Variants in ADAM12 observed in about 807,000 individuals in gnomAD.
ADAM12 encodes the protein disintegrin and metalloproteinase domain-containing protein 12.
Under a neutral mutation model 106.4 loss-of-function variants are expected in ADAM12, and 70 were observed. That is an observed-to-expected ratio of 0.66 (90% CI 0.54 to 0.80). The LOEUF is 0.80. Among genes scored for constraint, ADAM12 ranks in the 30% least tolerant of loss-of-function variants. The pLI is 0.00. For missense variants in ADAM12, 1,010 were observed against 1,171.9 expected, an observed-to-expected ratio of 0.86 and a Z score of 2.02; for synonymous variants, 420 against 433.5, an observed-to-expected ratio of 0.97 and a Z score of 0.39.
At chr10:126,293,675 C>G (rs562212974) in intron 2 of ADAM12, among the ~76,000 whole-genome samples, 4 of 152,138 alleles carry the variant, frequency 2.6e-5, no homozygotes, top group Non-Finnish European at 5.9e-5. Flanking sequence ...CATGTCACCA[C>G]GCCTGGCCAA....
intron 21 of ADAM12, among the ~76,000 whole-genome samples, chr10:126,029,349 T>C (rs1288686443): frequency 6.6e-6 from 1 of 152,116 alleles, no homozygotes; most frequent in African/African-American, 2.4e-5. Context: ...TAAGTGCCCA[T>C]CAGTGATATA....
chr10:126,043,226 T>A lies in ADAM12; in HGVS notation c.1996-78A>T. On this transcript the variant is annotated intron_variant, in intron 17 of 22. Coordinates refer to ENST00000448723, the MANE Select transcript of ADAM12 (RefSeq NM_001288973.2). This position sits in a 1 kb window ranked among gnomAD's most constrained non-coding sequence, Gnocchi z 4.1. ...ACCACAGCAGAAGCAAGGGGGGCCA[T>A]GGTCAGAGCCCCCCCCCAACACTGA... 6 of 1,349,522 alleles carry A rather than the reference T, an allele frequency of 4.4e-6. No individual in the cohort carries two copies. Among genetic ancestry groups the A allele is most frequent in the Non-Finnish European group, 6.2e-6 (6 of 967,174 alleles). The allele number at this position is 1,349,522 out of a possible 1,614,324, so 83.6% of individuals were successfully genotyped here. A position where few individuals can be genotyped will look rare whatever the true frequency, so the allele number is the denominator to read the frequency against.
At chr10:126,246,802 T>C (rs777250045) in intron 3 of ADAM12, among the ~76,000 whole-genome samples, 2 of 151,878 alleles carry the variant, frequency 1.3e-5, no homozygotes, top group Non-Finnish European at 2.9e-5. Context: ...GCTGGAAGCA[T>C]TCCCTTTGAA....
At chr10:126,240,176 G>A (rs1475388247) in intron 3 of ADAM12, among the ~76,000 whole-genome samples, 1 of 152,254 alleles carries the variant, frequency 6.6e-6, no homozygotes, top group Non-Finnish European at 1.5e-5. Flanking sequence ...CACTGTCCTT[G>A]CCTCCCACTC....
At chr10:126,189,204 G>C (rs560644766) in intron 3 of ADAM12, among the ~76,000 whole-genome samples, 1 of 152,282 alleles carries the variant, frequency 6.6e-6, no homozygotes, top group South Asian at 2.1e-4. Flanking sequence ...TGAAGGACAA[G>C]GGCTCACCAG....
At chr10:126,198,348 A>T (rs1211807555) in intron 3 of ADAM12, among the ~76,000 whole-genome samples, 1 of 152,222 alleles carries the variant, frequency 6.6e-6, no homozygotes, top group Non-Finnish European at 1.5e-5. Context: ...GTGTAAGACG[A>T]CAGAATTTAC....
chr10:126,022,788 T>C (rs537344287), intron 21 of ADAM12, among the ~76,000 whole-genome samples: 112 of 152,310 alleles, frequency 7.4e-4, no homozygotes, highest in Admixed American at 5.4e-3. Flanking sequence ...AACAAGGAAA[T>C]GAATTCAAAC....
chr10:126,283,578 GT>G (rs761890187), intron 2 of ADAM12, among the ~76,000 whole-genome samples: 47 of 152,254 alleles, frequency 3.1e-4, no homozygotes, highest in Non-Finnish European at 6.5e-4. Context: ...CTTTGCTTAT[GT>G]TTATGGAACA....
chr10:126,300,627 A>G (rs879648439), intron 2 of ADAM12, among the ~76,000 whole-genome samples: 1 of 152,218 alleles, frequency 6.6e-6, no homozygotes, highest in South Asian at 2.1e-4. Context: ...TGCTATTAAC[A>G]TAACAGCCCA....
intron 3 of ADAM12, among the ~76,000 whole-genome samples, chr10:126,209,029 C>T (rs1957850897): frequency 3.9e-5 from 6 of 152,120 alleles, no homozygotes; most frequent in Admixed American, 3.9e-4. Flanking sequence ...TTCTATTACT[C>T]ATTATTCTGC....
Position 126,121,097 on chromosome 10 carries a change from CTAT to C in ADAM12, c.417-2876_417-2874del, listed in dbSNP as rs1310967880. On this transcript the variant is annotated intron_variant, in intron 5 of 22. Transcript: ENST00000448723. Reference sequence around the variant, plus strand: ...TATTATATATTAGATGTATAATATACTATATTATATATAGTATATATATAGTAT... The same window carrying C: ...TATTATATATTAGATGTATAATATACATTATATATAGTATATATATAGTAT... Among the ~76,000 whole-genome samples the C allele has an allele frequency of 3.1e-3, 128 of 41,670 alleles. 3 individuals carry two copies. The highest frequency in any genetic ancestry group is 4.7e-3 in the Non-Finnish European group (104 of 22,172). The allele number at this position is 41,670 out of a possible 152,430, so 27.3% of individuals were successfully genotyped here.
At chr10:126,258,878 T>C (rs1251314348) in intron 3 of ADAM12, among the ~76,000 whole-genome samples, 1 of 152,180 alleles carries the variant, frequency 6.6e-6, no homozygotes, top group Non-Finnish European at 1.5e-5. Flanking sequence ...TAATCCATTA[T>C]TTGTAAGATC....
chr10:126,366,296 A>G (rs955410825), intron 1 of ADAM12, among the ~76,000 whole-genome samples: 1 of 152,128 alleles, frequency 6.6e-6, no homozygotes, highest in Non-Finnish European at 1.5e-5. Context: ...TAAAACTATA[A>G]AACTACTGTA....
chr10:126,376,486 G>T (rs1856297566), intron 1 of ADAM12, among the ~76,000 whole-genome samples: 1 of 152,124 alleles, frequency 6.6e-6, no homozygotes, highest in African/African-American at 2.4e-5. Context: ...ATATTAAAAA[G>T]TTAAAATCTT....
At chr10:126,234,274 T>C (rs565500226) in intron 3 of ADAM12, among the ~76,000 whole-genome samples, 1 of 152,334 alleles carries the variant, frequency 6.6e-6, no homozygotes, top group East Asian at 1.9e-4. Context: ...GTAATTATCA[T>C]GGGCTGCATT....
intron 1 of ADAM12, among the ~76,000 whole-genome samples, chr10:126,353,090 C>T (rs1855418581): frequency 6.6e-6 from 1 of 152,208 alleles, no homozygotes; most frequent in Admixed American, 6.5e-5. Context: ...AGAGCATCTC[C>T]TGCATACCAA....
intron 10 of ADAM12, 25 bp from the exon 11 acceptor site, chr10:126,094,158 G>A (rs371819124): frequency 3.1e-6 from 5 of 1,609,556 alleles, no homozygotes; most frequent in Middle Eastern, 1.7e-4. Flanking sequence ...AAAAGTACAG[G>A]TGTATAATTC....
At chr10:126,068,767 C>T (rs1954925368) in intron 12 of ADAM12, among the ~76,000 whole-genome samples, 1 of 152,152 alleles carries the variant, frequency 6.6e-6, no homozygotes, top group African/African-American at 2.4e-5. Flanking sequence ...ATAGAGAAGT[C>T]CAACAGAGCC....
intron 5 of ADAM12, among the ~76,000 whole-genome samples, chr10:126,123,710 C>T (rs1037639289): frequency 7.9e-5 from 12 of 152,166 alleles, no homozygotes; most frequent in Middle Eastern, 3.2e-3. Context: ...CTGTGTGCCC[C>T]GGGCTTGGGC....
Sources: allele counts gnomAD v4.1 joint callset (sites outside exome capture counted in the v4.1 genomes callset), GRCh38; gene constraint gnomAD v4.1.1; non-coding constraint Gnocchi (gnomAD v3.1); transcripts MANE v1.5; gene names NCBI Gene and HGNC (gene_info 2026-07-23, HGNC 2026-07-21).